Variants in NTNG1 observed in about 807,000 individuals in gnomAD.
NTNG1 encodes netrin G1.
In NTNG1, 16 loss-of-function variants were observed where a neutral mutation model predicts 54.0. That is an observed-to-expected ratio of 0.30 (90% confidence interval 0.20 to 0.45). NTNG1 has a LOEUF of 0.45. NTNG1 is among the 20% of genes least tolerant of loss of function. NTNG1 has a pLI of 1.00. For missense variants in NTNG1, 530 were observed against 678.7 expected (o/e 0.78, Z 2.43); for synonymous variants, 255 against 263.1 (o/e 0.97, Z 0.30).
intron 2 of NTNG1, among the ~76,000 whole-genome samples, chr1:107,274,591 G>A (rs966023351): frequency 6.6e-6 from 1 of 152,178 alleles, no homozygotes; most frequent in Non-Finnish European, 1.5e-5. Context: ...GGGAACAGCA[G>A]AGAGAGAACA....
intron 2 of NTNG1, among the ~76,000 whole-genome samples, chr1:107,252,241 T>C (rs1662653524): frequency 6.6e-6 from 1 of 152,222 alleles, no homozygotes; most frequent in South Asian, 2.1e-4. Flanking sequence ...ATAGGATCTT[T>C]TACTGTAGCC....
intron 2 of NTNG1, among the ~76,000 whole-genome samples, chr1:107,265,338 G>A (rs1663663457): frequency 6.6e-6 from 1 of 150,722 alleles, no homozygotes; most frequent in Non-Finnish European, 1.5e-5. Flanking sequence ...AAAAAAAAAA[G>A]GATTTTCTTT....
chr1:107,331,012 CT>C (rs1252607528), intron 3 of NTNG1: 10 of 152,026 alleles, frequency 6.6e-5, no homozygotes, highest in Non-Finnish European at 1.5e-4. Context: ...TTACAAAATT[CT>C]TGTCAGGTAC....
At chr1:107,361,378 T>TAC (rs1670281502) in intron 3 of NTNG1, among the ~76,000 whole-genome samples, 3 of 58,560 alleles carry the variant, frequency 5.1e-5, no homozygotes, top group Non-Finnish European at 1.1e-4. Context: ...TATATACATA[T>TAC]ATATATATAT....
intron 2 of NTNG1, among the ~76,000 whole-genome samples, chr1:107,230,867 A>G (rs549718666): frequency 2.6e-4 from 40 of 152,284 alleles, no homozygotes; most frequent in Non-Finnish European, 5.3e-4. Flanking sequence ...TGCAGTACTA[A>G]CGAATTTCAA....
chr1:107,409,032 G>C, intron 5 of NTNG1: 1 of 152,134 alleles, frequency 6.6e-6, no homozygotes, highest in East Asian at 1.9e-4. Context: ...TTTGTAAATA[G>C]AAGTAGTGTT....
intron 2 of NTNG1, among the ~76,000 whole-genome samples, chr1:107,226,000 T>C (rs1342435273): frequency 1.3e-5 from 2 of 152,118 alleles, no homozygotes; most frequent in Non-Finnish European, 2.9e-5. Flanking sequence ...CTCACATTAA[T>C]GCTATGAGAT....
At chr1:107,426,461 G>A (rs183257235) in intron 5 of NTNG1, among the ~76,000 whole-genome samples, 2 of 152,088 alleles carry the variant, frequency 1.3e-5, no homozygotes, top group East Asian at 3.9e-4. Context: ...CCACTTTATG[G>A]AAGGTCAGAG....
At chr1:107,300,441 G>C (rs913196306) in intron 2 of NTNG1, among the ~76,000 whole-genome samples, 2 of 152,104 alleles carry the variant, frequency 1.3e-5, no homozygotes, top group Admixed American at 6.6e-5. Flanking sequence ...TAGTTCCCCA[G>C]TTCACCTCTG....
intron 2 of NTNG1, 83 bp downstream of exon 2, chr1:107,148,922 AATTC>A: frequency 1.5e-6 from 2 of 1,350,788 alleles, no homozygotes; most frequent in Non-Finnish European, 2.0e-6. Context: ...GTGTGAAGAC[AATTC>A]ATGCAATAAG....
intron 5 of NTNG1, among the ~76,000 whole-genome samples, chr1:107,428,641 G>C (rs1455952416): frequency 6.6e-6 from 1 of 152,132 alleles, no homozygotes; most frequent in Non-Finnish European, 1.5e-5. Flanking sequence ...TTCTCAAAAA[G>C]TCCTTGGGAA....
In NTNG1 at chr1:107,482,871, T is replaced by G. The variant is rs140136869; in HGVS notation, c.*2031T>G. 6.6e-6 allele frequency: 1 copy of G among 152,228 alleles called. No individual in the cohort carries two copies. The highest frequency in any genetic ancestry group is 2.4e-5 in the African/African-American group (1 of 41,458). The allele number at this position is 152,228 out of a possible 1,614,324, so 9.4% of individuals were successfully genotyped here. The stretch of plus-strand genomic sequence containing the variant: ...AAAGGTAAACAGGTAATGCCTGTGC[T>G]GCCTGCCACCCCACGTCTAAGTCTA... On this transcript the variant is annotated 3_prime_UTR_variant, in exon 8 of 8. Transcript: ENST00000370068.
chr1:107,423,752 A>C (rs1165950895), intron 5 of NTNG1, among the ~76,000 whole-genome samples: 2 of 152,082 alleles, frequency 1.3e-5, no homozygotes, highest in Non-Finnish European at 2.9e-5. Context: ...CATGTAGTGA[A>C]CTCTCAGCTA....
chr1:107,213,203 T>C (rs1177978803), intron 2 of NTNG1, among the ~76,000 whole-genome samples: 1 of 152,094 alleles, frequency 6.6e-6, no homozygotes, highest in African/African-American at 2.4e-5. Context: ...TAAACTAATT[T>C]GAATTGATCT....
At chr1:107,265,737 G>A (rs41440148) in intron 2 of NTNG1, among the ~76,000 whole-genome samples, 5,560 of 152,252 alleles carry the variant, frequency 0.037, 337 homozygotes, top group African/African-American at 0.13. Flanking sequence ...AACATATTCA[G>A]TCATGTTCCT....
At chr1:107,282,135 A>G (rs186161038) in intron 2 of NTNG1, among the ~76,000 whole-genome samples, 2 of 152,314 alleles carry the variant, frequency 1.3e-5, no homozygotes, top group African/African-American at 4.8e-5. Flanking sequence ...GGAAGTTTCA[A>G]TCATTTCTCA....
chr1:107,462,835 T>C (rs1677361740), intron 7 of NTNG1, among the ~76,000 whole-genome samples: 1 of 152,220 alleles, frequency 6.6e-6, no homozygotes, highest in African/African-American at 2.4e-5. Context: ...CAAAACTGCC[T>C]TACAGTGAAA....
intron 7 of NTNG1, among the ~76,000 whole-genome samples, chr1:107,441,645 T>C (rs1675973584): frequency 6.6e-6 from 1 of 152,128 alleles, no homozygotes; most frequent in Admixed American, 6.6e-5. Flanking sequence ...AGATCTTTAA[T>C]TTAATCACAT....
At chr1:107,268,815 C>A (rs534772852) in intron 2 of NTNG1, among the ~76,000 whole-genome samples, 2 of 152,138 alleles carry the variant, frequency 1.3e-5, no homozygotes, top group African/African-American at 2.4e-5. Context: ...ATTGCTTAGG[C>A]CTAAAATCTT....
Sources: allele counts gnomAD v4.1 joint callset (sites outside exome capture counted in the v4.1 genomes callset), GRCh38; gene constraint gnomAD v4.1.1; transcripts MANE v1.5; gene names NCBI Gene and HGNC (gene_info 2026-07-23, HGNC 2026-07-21).